C12orf42: variants seen among roughly 807,000 people sequenced by gnomAD.
The protein encoded by C12orf42 is chromosome 12 open reading frame 42.
C12orf42 carries 25 observed loss-of-function variants against 21.6 expected under a neutral mutation model. The ratio of observed to expected loss-of-function variants is 1.16; its 90% CI spans 0.84 to 1.62. The LOEUF is 1.62. Ranked by LOEUF, C12orf42 falls within the 40% of genes most tolerant of loss-of-function variation. The probability of loss-of-function intolerance (pLI) is 0.00; values close to 1 mark genes in which losing one functional copy is unlikely to be tolerated. For synonymous variants in C12orf42, 174 were observed against 175.0 expected, an observed-to-expected ratio of 0.99 and a Z score of 0.05; for missense variants, 483 against 459.3, an observed-to-expected ratio of 1.05 and a Z score of -0.47.
At chr12:103,100,869 T>C in the C12orf42 span, among the ~76,000 whole-genome samples, 3 of 152,094 alleles carry the variant, frequency 2.0e-5, no homozygotes, top group African/African-American at 7.2e-5. Context: ...AAAAAAGATA[T>C]ATAAGGCAAA....
the C12orf42 span, among the ~76,000 whole-genome samples, chr12:103,507,205 TATATATATAATATATAAATA>T: frequency 2.9e-5 from 1 of 34,928 alleles, no homozygotes; most frequent in Non-Finnish European, 4.0e-5. Flanking sequence ...ATATTTATAT[TATATATATAATATATAAATA>T]TAAATATATA....
At chr12:103,248,219 T>C (rs1206595640) in intron 10 of C12orf42, among the ~76,000 whole-genome samples, 1 of 152,020 alleles carries the variant, frequency 6.6e-6, no homozygotes, top group Non-Finnish European at 1.5e-5. Flanking sequence ...TGTAAAACAA[T>C]GAATCCATTT....
intron 4 of C12orf42, among the ~76,000 whole-genome samples, chr12:103,322,101 A>ACGCGCGTGCGTGCGCG (rs915247067): frequency 9.5e-5 from 11 of 115,358 alleles, no homozygotes; most frequent in Non-Finnish European, 1.7e-4. Flanking sequence ...TCAGATGTGC[A>ACGCGCGTGCGTGCGCG]CGCGCGTGCG....
chr12:103,114,962 A>G, the C12orf42 span, among the ~76,000 whole-genome samples: 1 of 152,238 alleles, frequency 6.6e-6, no homozygotes, highest in African/African-American at 2.4e-5. Context: ...GAGTGTTAGC[A>G]TCCTGGCATA....
At chr12:103,084,102 T>C in the C12orf42 span, among the ~76,000 whole-genome samples, 2 of 152,230 alleles carry the variant, frequency 1.3e-5, no homozygotes, top group African/African-American at 2.4e-5. Context: ...AATTGGCACC[T>C]AAATATTTAT....
the C12orf42 span, among the ~76,000 whole-genome samples, chr12:103,124,851 T>C: frequency 6.6e-6 from 1 of 152,312 alleles, no homozygotes; most frequent in African/African-American, 2.4e-5. Flanking sequence ...CGAGGGCACT[T>C]AGAAGTAACT....
At chr12:103,079,600 G>A in the C12orf42 span, among the ~76,000 whole-genome samples, 1 of 152,186 alleles carries the variant, frequency 6.6e-6, no homozygotes, top group Admixed American at 6.5e-5. Context: ...GTTAGGATAG[G>A]TATGTTAAAC....
the C12orf42 span, among the ~76,000 whole-genome samples, chr12:103,074,418 T>C: frequency 2.0e-5 from 3 of 152,138 alleles, no homozygotes; most frequent in African/African-American, 7.2e-5. Context: ...GCAAATGAAG[T>C]GGAGCCTGGG....
At chr12:103,517,333 T>A in the C12orf42 span, among the ~76,000 whole-genome samples, 2 of 152,214 alleles carry the variant, frequency 1.3e-5, no homozygotes, top group Middle Eastern at 3.2e-3. Flanking sequence ...ACATTGTCCC[T>A]TCCATCTGTG....
At chr12:103,541,852 C>T in the C12orf42 span, among the ~76,000 whole-genome samples, 1 of 151,632 alleles carries the variant, frequency 6.6e-6, no homozygotes, top group Non-Finnish European at 1.5e-5. Flanking sequence ...GACTTTGAAA[C>T]AAAATTAAAA....
chr12:103,192,522 TAC>T, the C12orf42 span, among the ~76,000 whole-genome samples: 4 of 138,310 alleles, frequency 2.9e-5, no homozygotes, highest in Non-Finnish European at 4.7e-5. Context: ...AAAAAAAGAA[TAC>T]ACATAGGCTG....
At chr12:103,415,000 C>A (rs1334877938) in intron 2 of C12orf42, among the ~76,000 whole-genome samples, 1 of 152,032 alleles carries the variant, frequency 6.6e-6, no homozygotes, top group Admixed American at 6.6e-5. Flanking sequence ...AAGGCTCAAC[C>A]ATCTGTTGTC....
At chr12:103,427,124 T>C (rs1949881527) in intron 2 of C12orf42, among the ~76,000 whole-genome samples, 2 of 152,010 alleles carry the variant, frequency 1.3e-5, no homozygotes, top group African/African-American at 2.4e-5. Flanking sequence ...ACCTTAAATG[T>C]AAATGGGCTA....
chr12:103,524,531 T>A, the C12orf42 span, among the ~76,000 whole-genome samples: 1 of 152,138 alleles, frequency 6.6e-6, no homozygotes, highest in Admixed American at 6.5e-5. Flanking sequence ...CTCTAAAATA[T>A]CACCAGGGAA....
At chr12:103,256,221 A>G (rs1351650429) in intron 10 of C12orf42, among the ~76,000 whole-genome samples, 1 of 147,230 alleles carries the variant, frequency 6.8e-6, no homozygotes, top group Non-Finnish European at 1.5e-5. Flanking sequence ...AACTTATTGT[A>G]GTAGTTGTAG....
chr12:103,147,050 G>C, the C12orf42 span, among the ~76,000 whole-genome samples: 5 of 152,138 alleles, frequency 3.3e-5, no homozygotes, highest in Non-Finnish European at 7.3e-5. Context: ...GGCAATGTAG[G>C]CTCATGGAGC....
chr12:103,282,866 G>A (rs918152268), intron 4 of C12orf42, among the ~76,000 whole-genome samples: 4 of 152,056 alleles, frequency 2.6e-5, no homozygotes, highest in African/African-American at 9.7e-5. Flanking sequence ...GAAAACCTTC[G>A]AATTTTTCAA....
chr12:103,147,249 G>A, the C12orf42 span, among the ~76,000 whole-genome samples: 1 of 152,068 alleles, frequency 6.6e-6, no homozygotes, highest in Admixed American at 6.5e-5. Context: ...TCTCGAAGGA[G>A]GAAAACAACC....
At chr12:103,059,601 C>T in the C12orf42 span, among the ~76,000 whole-genome samples, 1 of 152,118 alleles carries the variant, frequency 6.6e-6, no homozygotes, top group Non-Finnish European at 1.5e-5. Context: ...AAACTGAATC[C>T]AGCAGCATAT....
Sources: gnomAD v4.1 joint callset for allele counts (sites outside exome capture counted in the v4.1 genomes callset) on GRCh38, gnomAD v4.1.1 for gene constraint, MANE v1.5 for transcripts, NCBI Gene and HGNC (gene_info 2026-07-23, HGNC 2026-07-21) for gene names.